The following LTB4R variants were observed in gnomAD, a reference collection of about 807,000 sequenced individuals.
LTB4R encodes leukotriene B4 receptor 1.
For missense variants in LTB4R, 470 were observed against 485.6 expected (o/e 0.97, Z 0.30); for synonymous variants, 250 against 230.7 (o/e 1.08, Z -0.76).
rs2041784191 is a variant in LTB4R, at chr14:24,317,144, A to G, written c.*434A>G. The G allele has an allele frequency of 5.8e-6, 1 of 172,896 alleles. No individual in the cohort carries two copies. Among genetic ancestry groups the G allele is most frequent in the South Asian group, 1.9e-4 (1 of 5,228 alleles). The allele number at this position is 172,896 out of a possible 1,614,324, so 10.7% of individuals were successfully genotyped here. ...CTGCAGATAATACTTAGCAAAACGC[A>G]GTCTACAGACTCCTAAAGCAGCTTG... On this transcript the variant is annotated 3_prime_UTR_variant, in exon 2 of 2. Coordinates refer to ENST00000345363, the MANE Select transcript of LTB4R (RefSeq NM_001143919.3).
rs775768794 is a variant in LTB4R at position 24,316,257 on chromosome 14, G to T, written c.606G>T (p.Ser202=). ...LPFLAVVASY[S]DIGRRLQARR... ...TCCTGGCTGTGGTGGCCAGCTACTC[G>T]GACATAGGGCGTCGGCTACAGGCCC... is the stretch of plus-strand genomic sequence containing the variant. The change falls in exon 2 of 2, where the codon TCG becomes TCT. Residue 202 remains serine, a synonymous_variant. Transcript: ENST00000345363. 6.2e-7 allele frequency: 1 copy of T among 1,612,632 alleles called. No individual in the cohort carries two copies. The highest frequency in any genetic ancestry group is 1.3e-5 in the African/African-American group (1 of 74,944).
rs2041784753 is a variant in LTB4R at position 24,317,198 on chromosome 14, CA to C, written c.*489del. 1 of 168,202 alleles carries C rather than the reference CA, an allele frequency of 5.9e-6. No homozygotes were observed. Among genetic ancestry groups the C allele is most frequent in the African/African-American group, 2.4e-5 (1 of 41,500 alleles). 10.4% of individuals were successfully genotyped at this position (168,202 alleles called of 1,614,324 possible). A position where few individuals can be genotyped will look rare whatever the true frequency, so the allele number is the denominator to read the frequency against. On this transcript the variant is annotated 3_prime_UTR_variant, in exon 2 of 2. Transcript: ENST00000345363. ...AGGAAGACCACCCATGTGGGCTTAT[CA>C]CTCCAGGTTCTGTGACCCGGGACCT...
chr14:24,315,800 G>T lies in LTB4R; in HGVS notation c.149G>T (p.Arg50Leu). 1 of 1,614,220 alleles carries T rather than the reference G, an allele frequency of 6.2e-7. No individual in the cohort carries two copies. ...AGTATCCTGAAAAGGATGCAGAAGC[G>T]CTCTGTCACTGCCCTGATGGTGCTG... ...VWSILKRMQK[R>L]SVTALMVLNL... The change falls in exon 2 of 2, where the codon CGC becomes CTC. Residue 50 changes from arginine to leucine, a missense_variant. Coordinates refer to ENST00000345363, the MANE Select transcript of LTB4R (RefSeq NM_001143919.3).
At chr14:24,315,568 G>C (rs1295111072) in intron 1 of LTB4R, 69 bp from the exon 2 acceptor site, 7 of 987,230 alleles carry the variant, frequency 7.1e-6, no homozygotes, top group Non-Finnish European at 1.1e-5. Flanking sequence ...TCTCAGCCTA[G>C]GTGTGTCCAT....
Position 24,317,838 on chromosome 14 carries a change from C to A in LTB4R, c.*1128C>A. 1 of 172,970 alleles carries A rather than the reference C, an allele frequency of 5.8e-6. No homozygotes were observed. The highest frequency in any genetic ancestry group is 6.0e-5 in the Admixed American group (1 of 16,768). 10.7% of individuals were successfully genotyped at this position (172,970 alleles called of 1,614,324 possible). A position where few individuals can be genotyped will look rare whatever the true frequency, so the allele number is the denominator to read the frequency against. ...GGAAGCAAAGGGATGTTGGATGGACCTAAGAAGAGGAGATCCCCAAGCTGT... is the reference window on the plus strand; with the variant it reads ...GGAAGCAAAGGGATGTTGGATGGACATAAGAAGAGGAGATCCCCAAGCTGT... On this transcript the variant is annotated 3_prime_UTR_variant, in exon 2 of 2. Transcript: ENST00000345363.
rs776884216 is a variant in LTB4R, at chr14:24,311,698, C to T, written c.-122C>T. ...GGGCAGGGCCGCGGCAATGGAGACC[C>T]GGGGGGTGGGATGGAGAAGGACGGT... is the stretch of plus-strand genomic sequence containing the variant. On this transcript the variant is annotated 5_prime_UTR_variant, in exon 1 of 2. Coordinates refer to ENST00000345363, the MANE Select transcript of LTB4R (RefSeq NM_001143919.3). 3.7e-6 allele frequency: 6 copies of T among 1,605,826 alleles called. No individual in the cohort carries two copies. The highest frequency in any genetic ancestry group is 1.1e-5 in the South Asian group (1 of 90,754).
chr14:24,315,720 C>T lies in LTB4R; in HGVS notation c.69C>T (p.Ile23=). The T allele has an allele frequency of 6.2e-7, 1 of 1,614,216 alleles. No homozygotes were observed. Among genetic ancestry groups the T allele is most frequent in the South Asian group, 1.1e-5 (1 of 91,082 alleles). ...GVEFISLLAI[I]LLSVALAVGL... ...AGTTCATCTCTCTGCTGGCTATCAT[C>T]CTGCTGTCAGTGGCGCTGGCTGTGG... is the stretch of plus-strand genomic sequence containing the variant. The change falls in exon 2 of 2, where the codon ATC becomes ATT. Residue 23 remains isoleucine, a synonymous_variant. Coordinates refer to ENST00000345363, the MANE Select transcript of LTB4R (RefSeq NM_001143919.3).
intron 1 of LTB4R, chr14:24,314,356 C>G (rs1422785000): frequency 6.6e-6 from 1 of 152,212 alleles, no homozygotes; most frequent in East Asian, 1.9e-4. Flanking sequence ...AGATGGCCCT[C>G]TTCCCACCAC....
intron 1 of LTB4R, 132 bp downstream of exon 1, chr14:24,311,936 G>C (rs1166429810): frequency 5.0e-6 from 3 of 594,612 alleles, no homozygotes; most frequent in Non-Finnish European, 9.0e-6. Flanking sequence ...GATGGTCCCT[G>C]TTAAGGACTA....
In LTB4R at chr14:24,316,753, G is replaced by T. The variant is rs1050237634; in HGVS notation, c.*43G>T. ...GCACTTTCCTCCTGGCAGAATGCTA[G>T]CTCTGAGCCAGTTCAGTACCTGGAG... On this transcript the variant is annotated 3_prime_UTR_variant, in exon 2 of 2. Coordinates refer to ENST00000345363, the MANE Select transcript of LTB4R (RefSeq NM_001143919.3). 3 of 1,446,200 alleles carry T rather than the reference G, an allele frequency of 2.1e-6. No homozygotes were observed. Among genetic ancestry groups the T allele is most frequent in the Admixed American group, 5.2e-5 (2 of 38,776 alleles). The allele number at this position is 1,446,200 out of a possible 1,614,324, so 89.6% of individuals were successfully genotyped here.
chr14:24,313,010 C>G (rs2041735329), intron 1 of LTB4R, among the ~76,000 whole-genome samples: 1 of 152,160 alleles, frequency 6.6e-6, no homozygotes, highest in Non-Finnish European at 1.5e-5. Context: ...GTCAAAACAG[C>G]AAAAGAAACC....
In LTB4R at chr14:24,315,840, C is replaced by T. The variant is rs780308006; in HGVS notation, c.189C>T (p.Ala63=). ...TALMVLNLAL[A]DLAVLLTAPF... ...TGATGGTGCTGAACCTGGCCCTGGC[C>T]GACCTGGCCGTATTGCTCACTGCTC... The change falls in exon 2 of 2, where the codon GCC becomes GCT. Residue 63 remains alanine, a synonymous_variant. Coordinates refer to ENST00000345363, the MANE Select transcript of LTB4R (RefSeq NM_001143919.3). 1.4e-5 allele frequency: 22 copies of T among 1,614,092 alleles called. No individual in the cohort carries two copies. The African/African-American group carries it at 2.0e-4, about 15-fold the overall frequency.
chr14:24,314,152 C>T (rs1452639236), intron 1 of LTB4R: 1 of 152,186 alleles, frequency 6.6e-6, no homozygotes, highest in Admixed American at 6.5e-5. Flanking sequence ...TTGCCCAGAT[C>T]ATAAATCCAG....
intron 1 of LTB4R, 24 bp from the exon 2 acceptor site, chr14:24,315,613 C>A: frequency 1.3e-6 from 2 of 1,509,404 alleles, no homozygotes; most frequent in Non-Finnish European, 9.1e-7. Context: ...TACTCTCATG[C>A]GTGTGTCCGC....
chr14:24,311,538 G>A lies in LTB4R; in HGVS notation c.-282G>A. ...CAACCCGGTGCTCTACGTCTTCACCGCTGGAGATCTGCTGCCCCGGGCAGG... is the reference window on the plus strand; with the variant it reads ...CAACCCGGTGCTCTACGTCTTCACCACTGGAGATCTGCTGCCCCGGGCAGG... On this transcript the variant is annotated 5_prime_UTR_variant, in exon 1 of 2. Transcript: ENST00000345363. 1.2e-6 allele frequency: 2 copies of A among 1,605,870 alleles called. No individual in the cohort carries two copies. Among genetic ancestry groups the A allele is most frequent in the East Asian group, 2.2e-5 (1 of 44,876 alleles).
At position 24,316,001 on chromosome 14, in the gene LTB4R, T is replaced by A; in HGVS notation, c.350T>A (p.Leu117Gln). The change falls in exon 2 of 2, where the codon CTG (leucine) becomes CAG (glutamine). Residue 117 changes from leucine to glutamine, a missense_variant. Physicochemically the swap from Leu to Gln is moderately radical, Grantham distance 113 (BLOSUM62 -2). Coordinates refer to ENST00000345363, the MANE Select transcript of LTB4R (RefSeq NM_001143919.3). ...ACGGCCATGAGTCTAGACCGCTCAC[T>A]GGCGGTGGCCCGCCCCTTTGTGTCC... is the stretch of plus-strand genomic sequence containing the variant. ...LITAMSLDRS[L>Q]AVARPFVSQK... 6.2e-7 allele frequency: 1 copy of A among 1,613,940 alleles called. No homozygotes were observed. The highest frequency in any genetic ancestry group is 8.5e-7 in the Non-Finnish European group (1 of 1,180,020).
chr14:24,317,059 T>C lies in LTB4R; in HGVS notation c.*349T>C. The C allele has an allele frequency of 4.3e-6, 1 of 232,522 alleles. No homozygotes were observed. 14.4% of individuals were successfully genotyped at this position (232,522 alleles called of 1,614,324 possible). A position where few individuals can be genotyped will look rare whatever the true frequency, so the allele number is the denominator to read the frequency against. ...CTTTAGTTCCCCATGATTTACAATT[T>C]TGGAAGGGACACAAAGAAACATAGA... On this transcript the variant is annotated 3_prime_UTR_variant, in exon 2 of 2. Coordinates refer to ENST00000345363, the MANE Select transcript of LTB4R (RefSeq NM_001143919.3).
intron 1 of LTB4R, chr14:24,314,650 C>T (rs2041753529): frequency 6.5e-6 from 1 of 152,990 alleles, no homozygotes; most frequent in African/African-American, 2.4e-5. Context: ...CAGTCTAGAC[C>T]TGCATCTTGA....
chr14:24,316,371 G>A lies in LTB4R; in HGVS notation c.720G>A (p.Val240=). 4 of 1,597,038 alleles carry A rather than the reference G, an allele frequency of 2.5e-6. No individual in the cohort carries two copies. Among genetic ancestry groups the A allele is most frequent in the Non-Finnish European group, 3.4e-6 (4 of 1,175,510 alleles). The change falls in exon 2 of 2, where the codon GTG becomes GTA. Residue 240 remains valine, a synonymous_variant. Coordinates refer to ENST00000345363, the MANE Select transcript of LTB4R (RefSeq NM_001143919.3). ...CCTTCTGGCTGCCCTACCACGTGGT[G>A]AACCTGGCTGAGGCGGGCCGCGCGC... ...FAAFWLPYHV[V]NLAEAGRALA... is the part of the protein sequence containing the mutation.
Sources: allele counts gnomAD v4.1 joint callset (sites outside exome capture counted in the v4.1 genomes callset), GRCh38; gene constraint gnomAD v4.1.1; transcripts MANE v1.5; gene names NCBI Gene and HGNC (gene_info 2026-07-23, HGNC 2026-07-21).